The following PTBP2 variants were observed in gnomAD, a reference collection of about 807,000 sequenced individuals.
PTBP2 encodes the protein polypyrimidine tract binding protein 2.
PTBP2 carries 13 observed loss-of-function variants against 61.4 expected under a neutral mutation model. The observed-to-expected ratio is 0.21, with a 90% confidence interval of 0.14 to 0.34. The LOEUF is 0.34. Ranked by LOEUF, PTBP2 falls within the 10% of genes least tolerant of loss-of-function variation. The pLI, the probability that PTBP2 is intolerant of heterozygous loss-of-function variation, is 1.00. For missense variants in PTBP2, 405 were observed against 642.6 expected, an observed-to-expected ratio of 0.63 and a Z score of 4.00; for synonymous variants, 215 against 218.5, an observed-to-expected ratio of 0.98 and a Z score of 0.14.
At chr1:96,761,946 C>T (rs970638703) in intron 3 of PTBP2, among the ~76,000 whole-genome samples, 17 of 151,820 alleles carry the variant, frequency 1.1e-4, no homozygotes, top group Admixed American at 3.3e-4. Flanking sequence ...TGACTCTTAA[C>T]GAGCATGCTG....
chr1:96,766,139 C>T (rs1340467817), intron 3 of PTBP2, among the ~76,000 whole-genome samples: 5 of 152,128 alleles, frequency 3.3e-5, no homozygotes, highest in South Asian at 2.1e-4. Flanking sequence ...AGGTGAAAAA[C>T]TGGTTTTGAG....
At chr1:96,777,991 A>G (rs369587275) in intron 7 of PTBP2, 45 bp downstream of exon 7, 23 of 1,090,536 alleles carry the variant, frequency 2.1e-5, no homozygotes, top group Non-Finnish European at 2.5e-5. Flanking sequence ...ATTGAAATGT[A>G]TATGTAGAAA....
intron 2 of PTBP2, among the ~76,000 whole-genome samples, chr1:96,726,458 G>C (rs1011053573): frequency 1.4e-5 from 2 of 147,160 alleles, no homozygotes; most frequent in African/African-American, 5.0e-5. Flanking sequence ...TTTTTTTCGA[G>C]ACGGAGTCTC....
chr1:96,775,418 G>C (rs1456354377), intron 5 of PTBP2, among the ~76,000 whole-genome samples: 1 of 152,152 alleles, frequency 6.6e-6, no homozygotes, highest in Non-Finnish European at 1.5e-5. Context: ...AATATGTTGT[G>C]TTGTATTCAT....
intron 11 of PTBP2, among the ~76,000 whole-genome samples, 169 bp downstream of exon 11, chr1:96,807,127 T>C (rs1661570464): frequency 6.6e-6 from 1 of 152,250 alleles, no homozygotes; most frequent in African/African-American, 2.4e-5. Context: ...AACATATTTG[T>C]ATTTTTCTGC....
chr1:96,749,584 A>G (rs1028287988), intron 2 of PTBP2: 2 of 452,704 alleles, frequency 4.4e-6, no homozygotes, highest in African/African-American at 2.0e-5. Context: ...TTATTTCTCT[A>G]TCCTGTGGGA....
intron 5 of PTBP2, among the ~76,000 whole-genome samples, chr1:96,776,030 G>A (rs544957940): frequency 6.6e-6 from 1 of 152,120 alleles, no homozygotes; most frequent in Admixed American, 6.5e-5. Context: ...ACTGTGAGGG[G>A]TTGGTAGGGG....
chr1:96,771,684 A>G (rs934600895), intron 5 of PTBP2, among the ~76,000 whole-genome samples: 9 of 152,150 alleles, frequency 5.9e-5, no homozygotes, highest in African/African-American at 1.4e-4. Context: ...GAATACCAAA[A>G]GAAAATATCT....
chr1:96,817,100 C>T (rs1434606833), downstream of PTBP2: 2 of 152,108 alleles, frequency 1.3e-5, no homozygotes, highest in Non-Finnish European at 2.9e-5. Context: ...ATAGCCCAAT[C>T]ATAAAATGCA....
rs1662331675 is a variant in PTBP2 at position 96,814,155 on chromosome 1, C to T, written c.*750C>T. 1.3e-5 allele frequency: 2 copies of T among 152,458 alleles called. No homozygotes were observed. The highest frequency in any genetic ancestry group is 1.5e-5 in the Non-Finnish European group (1 of 67,954). The allele number at this position is 152,458 out of a possible 1,614,324, so 9.4% of individuals were successfully genotyped here. Reference sequence around the variant, plus strand: ...CCTTTTCGTACACACTCTTGTGGGACGTATCATATAAATGTCAGCACTAAG... The same window carrying T: ...CCTTTTCGTACACACTCTTGTGGGATGTATCATATAAATGTCAGCACTAAG... On this transcript the variant is annotated 3_prime_UTR_variant, in exon 14 of 14. Transcript: ENST00000674951.
At position 96,803,941 on chromosome 1, in the gene PTBP2, G is replaced by T. The variant is rs139236694; in HGVS notation, c.905-859G>T. ...AAGCTGGGTGTGTAAGAATTTAAGG[G>T]ATGAAAATATTCCAAGTTGATTGGT... On this transcript the variant is annotated intron_variant, in intron 8 of 13. Transcript: ENST00000674951. Among the ~76,000 whole-genome samples, 5 of 152,272 alleles carry T rather than the reference G, an allele frequency of 3.3e-5. No individual in the cohort carries two copies. In the East Asian group the frequency reaches 9.6e-4, roughly 29 times the overall value.
intron 8 of PTBP2, among the ~76,000 whole-genome samples, chr1:96,789,515 G>T (rs1659562088): frequency 6.6e-6 from 1 of 152,048 alleles, no homozygotes; most frequent in African/African-American, 2.4e-5. Flanking sequence ...AAAAGAGCTT[G>T]TAACTTAATG....
At chr1:96,800,058 C>T (rs1369067542) in intron 8 of PTBP2, among the ~76,000 whole-genome samples, 1 of 152,080 alleles carries the variant, frequency 6.6e-6, no homozygotes, top group Non-Finnish European at 1.5e-5. Context: ...GAAATACATA[C>T]GAGTGGCATT....
At chr1:96,740,662 G>C (rs1425827306) in intron 2 of PTBP2, among the ~76,000 whole-genome samples, 7 of 151,840 alleles carry the variant, frequency 4.6e-5, no homozygotes, top group Non-Finnish European at 1.0e-4. Context: ...TTTACTACAT[G>C]TTTATGTATT....
chr1:96,759,107 A>G (rs1026226759), intron 3 of PTBP2, among the ~76,000 whole-genome samples: 1 of 152,192 alleles, frequency 6.6e-6, no homozygotes, highest in Non-Finnish European at 1.5e-5. Flanking sequence ...ATCTACACCA[A>G]TATGAAACAC....
chr1:96,746,829 CTGT>C (rs1653838064), intron 2 of PTBP2, among the ~76,000 whole-genome samples: 3 of 134,156 alleles, frequency 2.2e-5, no homozygotes, highest in Middle Eastern at 4.0e-3. Context: ...GTCTGTCTGT[CTGT>C]CTGTCTCCCT....
intron 8 of PTBP2, among the ~76,000 whole-genome samples, chr1:96,794,106 A>T (rs1660128305): frequency 6.6e-6 from 1 of 152,228 alleles, no homozygotes; most frequent in African/African-American, 2.4e-5. Flanking sequence ...TGTAGTTTTA[A>T]GAAATTTATT....
chr1:96,769,261 T>G (rs1657108290), intron 3 of PTBP2, among the ~76,000 whole-genome samples: 2 of 151,986 alleles, frequency 1.3e-5, no homozygotes, highest in South Asian at 4.1e-4. Flanking sequence ...AACACAGTAA[T>G]AAGTATTGAT....
Position 96,785,068 on chromosome 1 carries a change from G to A in PTBP2, c.718G>A (p.Gly240Ser). Residue 240 changes from glycine (G) to serine (S), a missense_variant, in exon 8 of 14, where the codon GGT (glycine) becomes AGT (serine). Gly to Ser is a moderately conservative substitution (Grantham distance 56, BLOSUM62 0). Transcript: ENST00000674951. ...TTATTCACTTTTACAGGCCCTAGAT[G>A]GTCAGAATATTTATAATGCCTGCTG... ...NAQQAKLALD[G>S]QNIYNACCTL... is the part of the protein sequence containing the mutation. The A allele has an allele frequency of 1.9e-6, 3 of 1,584,334 alleles. No homozygotes were observed. The highest frequency in any genetic ancestry group is 2.6e-6 in the Non-Finnish European group (3 of 1,164,754).
Sources: gnomAD v4.1 joint callset for allele counts (sites outside exome capture counted in the v4.1 genomes callset) on GRCh38, gnomAD v4.1.1 for gene constraint, MANE v1.5 for transcripts, NCBI Gene and HGNC (gene_info 2026-07-23, HGNC 2026-07-21) for gene names.